The following SNX29 variants were observed in gnomAD, a reference collection of about 807,000 sequenced individuals.
SNX29 encodes the protein sorting nexin 29.
A neutral mutation model predicts 102.1 loss-of-function variants in SNX29; 78 were observed. The observed-to-expected ratio is 0.76, with a 90% confidence interval of 0.64 to 0.92. SNX29 has a LOEUF of 0.92. Ranked by LOEUF, SNX29 falls within the 40% of genes least tolerant of loss-of-function variation. The pLI is 0.00. For synonymous variants in SNX29, 580 were observed against 414.5 expected (o/e 1.40, Z -4.85); for missense variants, 1,280 against 1,061.7 (o/e 1.21, Z -2.86).
At chr16:12,066,570 A>G (rs1451617161) in intron 9 of SNX29, among the ~76,000 whole-genome samples, 1 of 152,160 alleles carries the variant, frequency 6.6e-6, no homozygotes, top group Admixed American at 6.5e-5. Flanking sequence ...TGTCGTCTTC[A>G]CGGAGGTGAG....
chr16:12,532,275 C>A (rs896794680), intron 20 of SNX29, among the ~76,000 whole-genome samples: 2 of 152,194 alleles, frequency 1.3e-5, no homozygotes, highest in African/African-American at 4.8e-5. Flanking sequence ...TTTGGAAGCA[C>A]AATAAGTCCT....
intron 18 of SNX29, among the ~76,000 whole-genome samples, chr16:12,431,022 T>C: frequency 6.6e-6 from 1 of 152,106 alleles, no homozygotes; most frequent in East Asian, 1.9e-4. Flanking sequence ...CCGGCTATTT[T>C]TGTATTTTTA....
chr16:12,522,367 C>T (rs528587196), intron 19 of SNX29, among the ~76,000 whole-genome samples: 16 of 152,282 alleles, frequency 1.1e-4, no homozygotes, highest in South Asian at 2.1e-4. Context: ...TTGCCATGCT[C>T]GGGGCCTTGG....
intron 20 of SNX29, among the ~76,000 whole-genome samples, chr16:12,563,337 T>G (rs1328154456): frequency 6.6e-6 from 1 of 151,894 alleles, no homozygotes; most frequent in Non-Finnish European, 1.5e-5. Context: ...CGTCGAGGAG[T>G]GGCCATTATC....
At chr16:12,555,450 G>A (rs966369314) in intron 20 of SNX29, among the ~76,000 whole-genome samples, 8 of 152,016 alleles carry the variant, frequency 5.3e-5, no homozygotes, top group Admixed American at 4.6e-4. Flanking sequence ...TGTACGCAGG[G>A]TGTTTCCCTA....
At chr16:12,197,247 T>G (rs1461710789) in intron 13 of SNX29, among the ~76,000 whole-genome samples, 1 of 152,078 alleles carries the variant, frequency 6.6e-6, no homozygotes, top group Non-Finnish European at 1.5e-5. Flanking sequence ...GGCTGGGCAA[T>G]GAGGCTCTGG....
Position 12,569,891 on chromosome 16 carries a change from G to A in SNX29, c.*1262G>A, listed in dbSNP as rs143040860. 1.0e-4 allele frequency: 24 copies of A among 231,266 alleles called. No individual in the cohort carries two copies. The highest frequency in any genetic ancestry group is 2.9e-4 in the African/African-American group (13 of 45,200). The allele number at this position is 231,266 out of a possible 1,614,324, so 14.3% of individuals were successfully genotyped here. ...ATGCAAGAGTAAGTTTGTGTGTTTC[G>A]CCTTAATCTGAGGCAGAGACACAGC... On this transcript the variant is annotated 3_prime_UTR_variant, in exon 21 of 21. Transcript: ENST00000566228.
chr16:12,003,143 G>A lies in SNX29; in HGVS notation c.122+100G>A. The A allele has an allele frequency of 2.8e-6, 4 of 1,450,844 alleles. No homozygotes were observed. The Admixed American group carries it at 5.0e-5, about 18-fold the overall frequency. The allele number at this position is 1,450,844 out of a possible 1,614,324, so 89.9% of individuals were successfully genotyped here. Reference sequence around the variant, plus strand: ...GTTGACCATCGAGGTTGGAAAGGCGGCAGAAGGCGGCTGGCTTCTGGGCTC... The same window carrying A: ...GTTGACCATCGAGGTTGGAAAGGCGACAGAAGGCGGCTGGCTTCTGGGCTC... On this transcript the variant is annotated intron_variant, in intron 3 of 20. Coordinates refer to ENST00000566228, the MANE Select transcript of SNX29 (RefSeq NM_032167.5).
At chr16:12,413,804 C>A (rs1166249939) in intron 18 of SNX29, among the ~76,000 whole-genome samples, 1 of 152,188 alleles carries the variant, frequency 6.6e-6, no homozygotes, top group Non-Finnish European at 1.5e-5. Context: ...CTGAGAGTGG[C>A]CTTACTCACT....
chr16:11,976,759 C>T lies in SNX29; in HGVS notation c.-48C>T. The T allele has an allele frequency of 1.6e-5, 21 of 1,277,470 alleles. No individual in the cohort carries two copies. Among genetic ancestry groups the T allele is most frequent in the South Asian group, 1.1e-4 (5 of 46,232 alleles). 79.1% of individuals were successfully genotyped at this position (1,277,470 alleles called of 1,614,324 possible). On this transcript the variant is annotated 5_prime_UTR_variant, in exon 1 of 21. Coordinates refer to ENST00000566228, the MANE Select transcript of SNX29 (RefSeq NM_032167.5). Reference sequence around the variant, plus strand: ...GTCTGGAGCTCGGCAGCCGCAGAAGCGGCAGCGGCGGCGGCGCGGCGCAGG... The same window carrying T: ...GTCTGGAGCTCGGCAGCCGCAGAAGTGGCAGCGGCGGCGGCGCGGCGCAGG...
intron 15 of SNX29, among the ~76,000 whole-genome samples, chr16:12,332,909 T>A (rs1030300348): frequency 7.2e-5 from 11 of 152,168 alleles, no homozygotes; most frequent in African/African-American, 2.6e-4. Flanking sequence ...ACTTCTCTCC[T>A]GGGCCCGCTT....
chr16:12,114,677 C>A (rs575756734), intron 11 of SNX29, among the ~76,000 whole-genome samples: 1 of 151,940 alleles, frequency 6.6e-6, no homozygotes, highest in Non-Finnish European at 1.5e-5. Flanking sequence ...ACCTCCGCCT[C>A]CTGGGTTCAA....
intron 16 of SNX29, among the ~76,000 whole-genome samples, chr16:12,360,139 A>G (rs951825274): frequency 6.6e-6 from 1 of 152,214 alleles, no homozygotes; most frequent in Non-Finnish European, 1.5e-5. Flanking sequence ...CCTATTGTTA[A>G]CAGTAATTTC....
chr16:12,541,235 A>C (rs967245859), intron 20 of SNX29, among the ~76,000 whole-genome samples: 2 of 152,134 alleles, frequency 1.3e-5, no homozygotes, highest in African/African-American at 2.4e-5. Context: ...AGGACTATGG[A>C]ACCATGTATC....
intron 11 of SNX29, chr16:12,087,821 C>G (rs1302037811): frequency 2.2e-6 from 1 of 456,706 alleles, no homozygotes; most frequent in African/African-American, 2.0e-5. Flanking sequence ...GCTGTATCCT[C>G]TTTCCCTCTT....
Position 12,568,064 on chromosome 16 carries a change from T to C in SNX29, c.2319-442T>C, listed in dbSNP as rs140404067. On this transcript the variant is annotated intron_variant, in intron 20 of 20. Transcript: ENST00000566228. ...CTAGGGCCTGATTATTTTCTTAGGA[T>C]TAATTCCACAGGAAGTCCGTCTCCT... is the stretch of plus-strand genomic sequence containing the variant. Among the ~76,000 whole-genome samples, 11 of 152,286 alleles carry C rather than the reference T, an allele frequency of 7.2e-5. No individual in the cohort carries two copies. In the East Asian group the frequency reaches 2.1e-3, roughly 29 times the overall value.
chr16:12,143,847 C>T (rs1388853379), intron 13 of SNX29, among the ~76,000 whole-genome samples: 6 of 152,134 alleles, frequency 3.9e-5, no homozygotes, highest in African/African-American at 1.4e-4. Flanking sequence ...ATCATAGTCA[C>T]CTGGGGAGCT....
At chr16:12,317,435 C>G (rs2080786240) in intron 15 of SNX29, among the ~76,000 whole-genome samples, 1 of 152,180 alleles carries the variant, frequency 6.6e-6, no homozygotes, top group Non-Finnish European at 1.5e-5. Context: ...TTGAGAGATG[C>G]TGGGAGTTTG....
At chr16:12,376,871 A>G (rs548878728) in intron 16 of SNX29, among the ~76,000 whole-genome samples, 1 of 151,356 alleles carries the variant, frequency 6.6e-6, no homozygotes, top group South Asian at 2.1e-4. Flanking sequence ...TCTATCCTAC[A>G]TTGTATATTG....
Sources: allele counts gnomAD v4.1 joint callset (sites outside exome capture counted in the v4.1 genomes callset), GRCh38; gene constraint gnomAD v4.1.1; transcripts MANE v1.5; gene names NCBI Gene and HGNC (gene_info 2026-07-23, HGNC 2026-07-21).